RUFY2: variants seen among roughly 807,000 people sequenced by gnomAD.
RUFY2 encodes the protein RUN and FYVE domain-containing protein 2.
Under a neutral mutation model 94.4 loss-of-function variants are expected in RUFY2, and 49 were observed. The ratio of observed to expected loss-of-function variants is 0.52; its 90% CI spans 0.41 to 0.66. The LOEUF is 0.66. RUFY2 is among the 30% of genes least tolerant of loss of function. The probability of loss-of-function intolerance (pLI) is 0.00; values close to 1 mark genes in which losing one functional copy is unlikely to be tolerated. For missense variants in RUFY2, 541 were observed against 692.8 expected (o/e 0.78, Z 2.46); for synonymous variants, 255 against 235.7 (o/e 1.08, Z -0.75).
At chr10:68,357,851 C>G (rs2047168731) in intron 15 of RUFY2, among the ~76,000 whole-genome samples, 1 of 152,070 alleles carries the variant, frequency 6.6e-6, no homozygotes, top group Admixed American at 6.6e-5. Context: ...GTTGATCTTT[C>G]AACTTGTTTC....
chr10:68,378,447 C>A, intron 12 of RUFY2: 1 of 1,307,370 alleles, frequency 7.6e-7, no homozygotes, highest in Non-Finnish European at 9.7e-7. Context: ...AAGAAATGTA[C>A]AGGGTTCCTA....
chr10:68,397,321 T>G (rs987815562), intron 3 of RUFY2, among the ~76,000 whole-genome samples: 1 of 152,232 alleles, frequency 6.6e-6, no homozygotes, highest in African/African-American at 2.4e-5. Flanking sequence ...TTTGTGTATC[T>G]AAACACAGCT....
At chr10:68,399,941 C>T (rs376283607) in intron 3 of RUFY2, among the ~76,000 whole-genome samples, 7 of 151,490 alleles carry the variant, frequency 4.6e-5, no homozygotes, top group Admixed American at 6.6e-5. Flanking sequence ...GCCACCACAC[C>T]GGCTAATTTT....
chr10:68,406,165 T>C (rs1273228832), intron 1 of RUFY2, among the ~76,000 whole-genome samples: 2 of 150,940 alleles, frequency 1.3e-5, no homozygotes, highest in African/African-American at 4.9e-5. Flanking sequence ...TTTCCTTCAC[T>C]GAACAACAAC....
chr10:68,359,074 A>C (rs1274947401), intron 15 of RUFY2, among the ~76,000 whole-genome samples: 6 of 151,990 alleles, frequency 3.9e-5, no homozygotes. Flanking sequence ...CCCAATAACC[A>C]TAATGTACAA....
chr10:68,376,849 TCA>T lies in RUFY2; in HGVS notation c.1325+2_1325+3del, dbSNP rs752695173. ...GTATTTGTTTCTGAGAGTGAAATAC[TCA>T]CAGCTGTTTCTCCTTTTGGGAGATT... On this transcript the variant is annotated splice_donor_variant and splice_donor_region_variant and intron_variant, in intron 13 of 17. Transcript: ENST00000602465. LOFTEE classifies it high-confidence loss of function. 6.2e-7 allele frequency: 1 copy of T among 1,613,352 alleles called. No homozygotes were observed. Among genetic ancestry groups the T allele is most frequent in the Non-Finnish European group, 8.5e-7 (1 of 1,179,434 alleles).
intron 13 of RUFY2, among the ~76,000 whole-genome samples, chr10:68,371,974 T>C (rs1487228402): frequency 3.3e-5 from 5 of 152,200 alleles, no homozygotes; most frequent in African/African-American, 7.2e-5. Flanking sequence ...ATAGAATTTA[T>C]TGCCAACAGA....
rs1041495360 is a variant in RUFY2 at position 68,344,721 on chromosome 10, A to C, written c.*1047T>G. Reference sequence around the variant, plus strand: ...AAATAGGTCAAGTGTATATTTCATCATCTCAACACCCTTGGCATAGAGGTG... The same window carrying C: ...AAATAGGTCAAGTGTATATTTCATCCTCTCAACACCCTTGGCATAGAGGTG... On this transcript the variant is annotated 3_prime_UTR_variant, in exon 18 of 18. Transcript: ENST00000602465. 2 of 152,274 alleles carry C rather than the reference A, an allele frequency of 1.3e-5. No homozygotes were observed. The highest frequency in any genetic ancestry group is 4.8e-5 in the African/African-American group (2 of 41,456). 9.4% of individuals were successfully genotyped at this position (152,274 alleles called of 1,614,324 possible).
In RUFY2 at chr10:68,345,716, T is replaced by A; in HGVS notation, c.*52A>T. 6.5e-7 allele frequency: 1 copy of A among 1,546,284 alleles called. No individual in the cohort carries two copies. The highest frequency in any genetic ancestry group is 8.9e-7 in the Non-Finnish European group (1 of 1,128,272). ...TGTCTGGTTACCTTTGTATACAACATCATAACATTCATTGTAGGTAATTTC... is the reference window on the plus strand; with the variant it reads ...TGTCTGGTTACCTTTGTATACAACAACATAACATTCATTGTAGGTAATTTC... On this transcript the variant is annotated 3_prime_UTR_variant, in exon 18 of 18. Coordinates refer to ENST00000602465, the MANE Select transcript of RUFY2 (RefSeq NM_001330103.2).
rs904162234 is a variant in RUFY2 at position 68,345,362 on chromosome 10, T to C, written c.*406A>G. On this transcript the variant is annotated 3_prime_UTR_variant, in exon 18 of 18. Coordinates refer to ENST00000602465, the MANE Select transcript of RUFY2 (RefSeq NM_001330103.2). ...TGTTGAATTAGAATATTAATAATTT[T>C]AAAAGTTTTATGCGTTTCCAGTTTC... 2.7e-6 allele frequency: 1 copy of C among 372,326 alleles called. No homozygotes were observed. The highest frequency in any genetic ancestry group is 4.5e-5 in the Admixed American group (1 of 22,022). 23.1% of individuals were successfully genotyped at this position (372,326 alleles called of 1,614,324 possible).
In RUFY2 at chr10:68,344,522, T is replaced by C. The variant is rs1021484987; in HGVS notation, c.*1246A>G. 2.6e-5 allele frequency: 4 copies of C among 152,194 alleles called. No homozygotes were observed. The highest frequency in any genetic ancestry group is 9.6e-5 in the African/African-American group (4 of 41,458). 9.4% of individuals were successfully genotyped at this position (152,194 alleles called of 1,614,324 possible). Reference sequence around the variant, plus strand: ...GCAATATAACTTGGATTAGTGTTCATTGAGTCAGCTTGAAATAGGTCAAGT... The same window carrying C: ...GCAATATAACTTGGATTAGTGTTCACTGAGTCAGCTTGAAATAGGTCAAGT... On this transcript the variant is annotated 3_prime_UTR_variant, in exon 18 of 18. Transcript: ENST00000602465.
intron 12 of RUFY2, chr10:68,377,197 A>T: frequency 7.2e-7 from 1 of 1,380,296 alleles, no homozygotes; most frequent in Non-Finnish European, 9.3e-7. Flanking sequence ...CCAGAATACT[A>T]TCTTCAAATT....
At chr10:68,388,283 T>C (rs2049679280) in intron 7 of RUFY2, among the ~76,000 whole-genome samples, 1 of 151,896 alleles carries the variant, frequency 6.6e-6, no homozygotes, top group Non-Finnish European at 1.5e-5. Flanking sequence ...ACCAACATGG[T>C]GAAACCCTGT....
downstream of RUFY2, chr10:68,341,702 T>C (rs369776657): frequency 6.9e-6 from 11 of 1,596,972 alleles, no homozygotes; most frequent in East Asian, 2.2e-5. Flanking sequence ...TTTTAAAATA[T>C]GCAGGGTTAG....
At chr10:68,407,000 G>A in intron 1 of RUFY2, 186 bp downstream of exon 1, 2 of 1,504,070 alleles carry the variant, frequency 1.3e-6, no homozygotes, top group South Asian at 1.3e-5. Flanking sequence ...ACAAGGGAGG[G>A]GGCGCGTTGC....
At chr10:68,379,963 G>A (rs528122830) in intron 11 of RUFY2, among the ~76,000 whole-genome samples, 1 of 151,944 alleles carries the variant, frequency 6.6e-6, no homozygotes, top group Admixed American at 6.6e-5. Flanking sequence ...GCCCGCCACT[G>A]CGCCCAGCTA....
rs2051142128 is a variant in RUFY2 at position 68,404,830 on chromosome 10, T to C, written c.19A>G (p.Thr7Ala). 1 of 1,565,296 alleles carries C rather than the reference T, an allele frequency of 6.4e-7. No individual in the cohort carries two copies. ...AACAAGTTTGCTCTCTCTACAGCTG[T>C]GGGGTCTTTTGTAGCTGAAAACACA... is the stretch of plus-strand genomic sequence containing the variant. MATKDP[T>A]AVERANLLNM... is the part of the protein sequence containing the mutation. The change falls in exon 2 of 18, where the codon ACA becomes GCA. Residue 7 changes from threonine (T) to alanine (A), a missense_variant. Around this residue, in one of 3 missense-constraint regions of RUFY2, gnomAD observed 53 missense variants for 58.6 expected, o/e 0.90. Transcript: ENST00000602465.
At chr10:68,363,829 G>C (rs917627232) in intron 14 of RUFY2, 145 bp from the exon 15 acceptor site, 4 of 819,680 alleles carry the variant, frequency 4.9e-6, no homozygotes, top group African/African-American at 3.5e-5. Flanking sequence ...CCTAGCTGCT[G>C]TATCAACTAT....
chr10:68,384,765 T>G (rs939723446), intron 8 of RUFY2, among the ~76,000 whole-genome samples: 1 of 152,146 alleles, frequency 6.6e-6, no homozygotes, highest in Non-Finnish European at 1.5e-5. Context: ...CAGAGACCAT[T>G]CCCTAATGAT....
Sources: allele counts gnomAD v4.1 joint callset (sites outside exome capture counted in the v4.1 genomes callset), GRCh38; gene constraint gnomAD v4.1.1; regional missense constraint gnomAD v4.1.1; transcripts MANE v1.5; gene names NCBI Gene and HGNC (gene_info 2026-07-23, HGNC 2026-07-21).